OCA2: variants seen among roughly 807,000 people sequenced by gnomAD.
The protein encoded by OCA2 is OCA2 melanosomal transmembrane protein.
A neutral mutation model predicts 100.2 loss-of-function variants in OCA2; 77 were observed. That is an observed-to-expected ratio of 0.77 (90% CI 0.64 to 0.93). The LOEUF is 0.93. Ranked by LOEUF, OCA2 falls within the 40% of genes least tolerant of loss-of-function variation. The pLI is 0.00. For missense variants in OCA2, 1,062 were observed against 1,089.1 expected (o/e 0.98, Z 0.35); for synonymous variants, 432 against 439.2 (o/e 0.98, Z 0.21).
intron 23 of OCA2, among the ~76,000 whole-genome samples, chr15:27,770,858 C>CCCTCTTTTCCTTCCTCCCTCTT (rs1489459733): frequency 1.0e-5 from 1 of 98,736 alleles, no homozygotes; most frequent in Admixed American, 9.7e-5. Flanking sequence ...TCCTTCCTTT[C>CCCTCTTTTCCTTCCTCCCTCTT]TTCCTTCCTT....
intron 14 of OCA2, among the ~76,000 whole-genome samples, chr15:27,970,609 G>T (rs1254759562): frequency 6.6e-6 from 1 of 152,126 alleles, no homozygotes; most frequent in Admixed American, 6.5e-5. Context: ...GTATGGCAGG[G>T]AAAGCCTGAA....
At chr15:27,848,976 C>A (rs1176953575) in intron 22 of OCA2, among the ~76,000 whole-genome samples, 1 of 151,834 alleles carries the variant, frequency 6.6e-6, no homozygotes, top group Non-Finnish European at 1.5e-5. Flanking sequence ...CAGCCACATG[C>A]TGCCTGGGTT....
intron 2 of OCA2, among the ~76,000 whole-genome samples, chr15:28,069,558 A>C (rs1263005119): frequency 7.2e-6 from 1 of 139,366 alleles, no homozygotes; most frequent in East Asian, 2.2e-4. Flanking sequence ...GATTGCAGGC[A>C]CGCGCCGCCA....
chr15:28,090,312 G>A (rs1254965993), intron 1 of OCA2, among the ~76,000 whole-genome samples: 1 of 152,192 alleles, frequency 6.6e-6, no homozygotes, highest in Non-Finnish European at 1.5e-5. Context: ...GAAAATCAGT[G>A]CAGTTATAGA....
intron 22 of OCA2, among the ~76,000 whole-genome samples, chr15:27,849,496 T>A (rs1043029251): frequency 2.0e-5 from 3 of 151,000 alleles, no homozygotes; most frequent in Non-Finnish European, 4.4e-5. Context: ...AGTTCTTAGC[T>A]CTTCATGAAA....
intron 23 of OCA2, among the ~76,000 whole-genome samples, chr15:27,783,285 G>T (rs1461126114): frequency 2.6e-5 from 4 of 152,124 alleles, no homozygotes; most frequent in African/African-American, 9.7e-5. Context: ...AAAAGACCAG[G>T]TCAGTTTTTA....
chr15:27,833,114 C>T (rs1483642074), intron 23 of OCA2, among the ~76,000 whole-genome samples: 1 of 152,152 alleles, frequency 6.6e-6, no homozygotes, highest in Non-Finnish European at 1.5e-5. Flanking sequence ...TCATACCCAG[C>T]CTGATAAATT....
At chr15:27,924,169 G>A (rs1429421766) in intron 19 of OCA2, among the ~76,000 whole-genome samples, 1 of 152,150 alleles carries the variant, frequency 6.6e-6, no homozygotes, top group African/African-American at 2.4e-5. Flanking sequence ...GATGGTCATA[G>A]GTGTACAGCC....
At chr15:27,793,962 C>T (rs1049005611) in intron 23 of OCA2, among the ~76,000 whole-genome samples, 4 of 152,170 alleles carry the variant, frequency 2.6e-5, no homozygotes, top group Non-Finnish European at 2.9e-5. Flanking sequence ...TCCCACTAGC[C>T]GGCACTTGGT....
At chr15:27,836,262 C>G (rs1309051428) in intron 23 of OCA2, among the ~76,000 whole-genome samples, 2 of 152,180 alleles carry the variant, frequency 1.3e-5, no homozygotes, top group Admixed American at 6.5e-5. Flanking sequence ...GGGAAAAGGG[C>G]AGGGGGTGAG....
intron 1 of OCA2, among the ~76,000 whole-genome samples, chr15:28,086,935 TG>T (rs536419757): frequency 6.6e-6 from 1 of 152,304 alleles, no homozygotes; most frequent in Non-Finnish European, 1.5e-5. Context: ...CAGAGACCTA[TG>T]GGACCATAAC....
intron 15 of OCA2, among the ~76,000 whole-genome samples, chr15:27,964,682 C>G (rs2040508107): frequency 6.6e-6 from 1 of 152,192 alleles, no homozygotes. Context: ...GCAACATAAC[C>G]AAGCCTGTTC....
At chr15:28,025,985 T>C (rs1279640059) in intron 4 of OCA2, among the ~76,000 whole-genome samples, 1 of 152,226 alleles carries the variant, frequency 6.6e-6, no homozygotes, top group Admixed American at 6.5e-5. Flanking sequence ...CCAATTACGA[T>C]TCAACAGCTC....
At chr15:27,738,961 A>G in the OCA2 span, among the ~76,000 whole-genome samples, 1 of 141,562 alleles carries the variant, frequency 7.1e-6, no homozygotes, top group Non-Finnish European at 1.5e-5. Flanking sequence ...AGAGTCCAGC[A>G]TCCCCTTGTC....
intron 21 of OCA2, among the ~76,000 whole-genome samples, chr15:27,860,678 A>G (rs911131871): frequency 4.3e-4 from 65 of 152,218 alleles, no homozygotes; most frequent in Non-Finnish European, 6.9e-4. Context: ...TATGTACCAC[A>G]TTTTCTTTAT....
intron 15 of OCA2, among the ~76,000 whole-genome samples, chr15:27,963,539 A>T (rs960377713): frequency 6.6e-5 from 10 of 152,170 alleles, no homozygotes; most frequent in African/African-American, 2.4e-4. Context: ...AAGAAAAAAT[A>T]AAAAGATGCA....
intron 23 of OCA2, among the ~76,000 whole-genome samples, chr15:27,804,523 T>C (rs1191785184): frequency 6.6e-6 from 1 of 152,224 alleles, no homozygotes; most frequent in African/African-American, 2.4e-5. Context: ...AAAAAGGGAA[T>C]TGCCCGAAGC....
At chr15:28,018,356 T>C in intron 7 of OCA2, 41 bp downstream of exon 7, 1 of 1,583,976 alleles carries the variant, frequency 6.3e-7, no homozygotes, top group South Asian at 1.1e-5. Flanking sequence ...TGAGATGAAA[T>C]GAGATTTCAC....
At chr15:27,846,616 T>G (rs559369997) in intron 22 of OCA2, among the ~76,000 whole-genome samples, 1 of 152,286 alleles carries the variant, frequency 6.6e-6, no homozygotes, top group Non-Finnish European at 1.5e-5. Context: ...GTGGAGAGCA[T>G]TTCACCCTGT....
Sources: gnomAD v4.1 joint callset for allele counts (sites outside exome capture counted in the v4.1 genomes callset) on GRCh38, gnomAD v4.1.1 for gene constraint, MANE v1.5 for transcripts, NCBI Gene and HGNC (gene_info 2026-07-23, HGNC 2026-07-21) for gene names.